Variants in STAU1 observed in about 807,000 individuals in gnomAD.
The protein encoded by STAU1 is staufen double-stranded RNA binding protein 1, also known as double-stranded RNA-binding protein Staufen homolog 1.
In STAU1, 13 loss-of-function variants were observed where a neutral mutation model predicts 62.9. That is an observed-to-expected ratio of 0.21 (90% CI 0.13 to 0.33). The LOEUF (loss-of-function observed/expected upper bound fraction) is 0.33. Among genes scored for constraint, STAU1 ranks in the 10% least tolerant of loss-of-function variants. The pLI, the probability that STAU1 is intolerant of heterozygous loss-of-function variation, is 1.00. For missense variants in STAU1, 571 were observed against 712.1 expected (o/e 0.80, Z 2.25); for synonymous variants, 269 against 265.1 (o/e 1.01, Z -0.14).
chr20:49,153,918 A>G lies in STAU1; in HGVS notation c.344+15T>C. 6.4e-7 allele frequency: 1 copy of G among 1,553,582 alleles called. No homozygotes were observed. Among genetic ancestry groups the G allele is most frequent in the Non-Finnish European group, 8.6e-7 (1 of 1,159,224 alleles). On this transcript the variant is annotated intron_variant, in intron 4 of 13. Coordinates refer to ENST00000371856, the MANE Select transcript of STAU1 (RefSeq NM_017453.4). ...CTCCTGTATTTTACAAAAAAAAAAA[A>G]AAAAAAACACATACCTCGGGGGATA...
At chr20:49,120,706 C>G (rs543946541) in intron 8 of STAU1, among the ~76,000 whole-genome samples, 24 of 152,304 alleles carry the variant, frequency 1.6e-4, no homozygotes, top group Non-Finnish European at 2.2e-4. Flanking sequence ...AATATCTTCC[C>G]GTCTTTGAAA....
At chr20:49,151,011 C>T (rs1460124821) in intron 5 of STAU1, among the ~76,000 whole-genome samples, 1 of 152,170 alleles carries the variant, frequency 6.6e-6, no homozygotes, top group Non-Finnish European at 1.5e-5. Context: ...TGCAGATCCA[C>T]TTCAACCAAA....
At position 49,114,081 on chromosome 20, in the gene STAU1, A is replaced by G. The variant is rs191437034; in HGVS notation, c.*797T>C. The G allele has an allele frequency of 2.6e-5, 4 of 152,776 alleles. No individual in the cohort carries two copies. The highest frequency in any genetic ancestry group is 2.6e-4 in the Admixed American group (4 of 15,296). The allele number at this position is 152,776 out of a possible 1,614,324, so 9.5% of individuals were successfully genotyped here. Reference sequence around the variant, plus strand: ...GACTGTTTCAGCTGAACCAGAGGGCACACAATTTGCATCACTGAAACTGTC... The same window carrying G: ...GACTGTTTCAGCTGAACCAGAGGGCGCACAATTTGCATCACTGAAACTGTC... On this transcript the variant is annotated 3_prime_UTR_variant, in exon 14 of 14. Coordinates refer to ENST00000371856, the MANE Select transcript of STAU1 (RefSeq NM_017453.4).
At chr20:49,182,708 G>A (rs1331609604) in intron 1 of STAU1, among the ~76,000 whole-genome samples, 5 of 151,950 alleles carry the variant, frequency 3.3e-5, no homozygotes, top group Admixed American at 6.6e-5. Flanking sequence ...GCATGGTGGC[G>A]GGCACCTGTA....
At chr20:49,115,542 C>G (rs936661382) in intron 13 of STAU1, among the ~76,000 whole-genome samples, 2 of 152,144 alleles carry the variant, frequency 1.3e-5, no homozygotes, top group Non-Finnish European at 2.9e-5. Context: ...ACCTCATGAT[C>G]CACCTGCCTT....
At chr20:49,137,893 T>C (rs940607480) in intron 5 of STAU1, among the ~76,000 whole-genome samples, 2 of 148,562 alleles carry the variant, frequency 1.3e-5, no homozygotes, top group African/African-American at 4.9e-5. Context: ...TTGGCCAGGC[T>C]ATTCTCGAAC....
intron 2 of STAU1, 144 bp from the exon 3 acceptor site, chr20:49,166,429 T>C (rs1297490381): frequency 1.8e-6 from 1 of 541,254 alleles, no homozygotes; most frequent in Admixed American, 3.3e-5. Context: ...ATTCGAAATA[T>C]GTTTCTCCTT....
the STAU1 span, among the ~76,000 whole-genome samples, chr20:49,200,783 G>A: frequency 6.6e-6 from 1 of 151,774 alleles, no homozygotes; most frequent in East Asian, 1.9e-4. Context: ...GCCCAGTGCA[G>A]TGGCACTTTG....
At chr20:49,153,572 G>A (rs977101775) in intron 4 of STAU1, among the ~76,000 whole-genome samples, 3 of 150,996 alleles carry the variant, frequency 2.0e-5, no homozygotes, top group Middle Eastern at 3.4e-3. Context: ...TCAGCCAGGC[G>A]TGGTGGCAGG....
intron 6 of STAU1, among the ~76,000 whole-genome samples, chr20:49,125,222 A>AAAAAAAC (rs2092577388): frequency 2.3e-5 from 3 of 129,014 alleles, no homozygotes. Context: ...AAAAAAAAAA[A>AAAAAAAC]AACGAAGGAT....
chr20:49,150,345 G>A (rs6125566), intron 5 of STAU1, among the ~76,000 whole-genome samples: 8 of 151,748 alleles, frequency 5.3e-5, no homozygotes, highest in Non-Finnish European at 1.2e-4. Context: ...AGTCAATTTA[G>A]GTTATATAAT....
the STAU1 span, among the ~76,000 whole-genome samples, chr20:49,205,155 G>A: frequency 2.0e-5 from 3 of 152,096 alleles, no homozygotes; most frequent in Non-Finnish European, 2.9e-5. Context: ...AGCAAATCCC[G>A]TGCTATATAA....
intron 5 of STAU1, among the ~76,000 whole-genome samples, chr20:49,142,921 GCCT>G: frequency 6.6e-6 from 1 of 152,170 alleles, no homozygotes. Context: ...TCCTGCCTCA[GCCT>G]CCTCATTAGC....
chr20:49,212,230 G>A, the STAU1 span, among the ~76,000 whole-genome samples: 9 of 152,122 alleles, frequency 5.9e-5, no homozygotes, highest in Admixed American at 5.9e-4. Context: ...CTCAAGTGAT[G>A]CCCCTTCCTT....
At chr20:49,193,365 A>C (rs1299068060), upstream of STAU1, among the ~76,000 whole-genome samples, 1 of 152,072 alleles carries the variant, frequency 6.6e-6, no homozygotes, top group African/African-American at 2.4e-5. Context: ...CAACAGAGCA[A>C]GACTCTGTCT....
chr20:49,123,744 TCCAG>T (rs2092524276), intron 7 of STAU1, among the ~76,000 whole-genome samples: 2 of 152,304 alleles, frequency 1.3e-5, no homozygotes, highest in South Asian at 4.1e-4. Context: ...AGAAGTGACT[TCCAG>T]GCTATATTAA....
At chr20:49,154,193 G>C (rs147104755) in intron 3 of STAU1, 122 bp from the exon 4 acceptor site, 7 of 1,034,254 alleles carry the variant, frequency 6.8e-6, no homozygotes, top group African/African-American at 3.2e-5. Context: ...AAAAGGACCT[G>C]GGTGGCTCAC....
At chr20:49,116,212 C>T (rs1024092333) in intron 12 of STAU1, among the ~76,000 whole-genome samples, 1 of 152,146 alleles carries the variant, frequency 6.6e-6, no homozygotes, top group African/African-American at 2.4e-5. Context: ...GTTGCCCAGG[C>T]TGGTCTCAAA....
chr20:49,169,373 T>C (rs2093568673), intron 2 of STAU1, among the ~76,000 whole-genome samples: 1 of 152,078 alleles, frequency 6.6e-6, no homozygotes, highest in African/African-American at 2.4e-5. Flanking sequence ...ACAAATTAAG[T>C]TTTTCATTAC....
Sources: gnomAD v4.1 joint callset for allele counts (sites outside exome capture counted in the v4.1 genomes callset) on GRCh38, gnomAD v4.1.1 for gene constraint, MANE v1.5 for transcripts, NCBI Gene and HGNC (gene_info 2026-07-23, HGNC 2026-07-21) for gene names.